The following RLF variants were observed in gnomAD, a reference collection of about 807,000 sequenced individuals.
RLF encodes RLF zinc finger.
Under a neutral mutation model 162.9 loss-of-function variants are expected in RLF, and 7 were observed. That is an observed-to-expected ratio of 0.04 (90% confidence interval 0.02 to 0.08). RLF has a LOEUF of 0.08. RLF is among the 10% of genes least tolerant of loss of function. RLF has a pLI of 1.00. For missense variants in RLF, 1,664 were observed against 2,244.7 expected (o/e 0.74, Z 5.23); for synonymous variants, 782 against 791.5 (o/e 0.99, Z 0.20).
chr1:40,225,009 A>G (rs1282012494), intron 6 of RLF, among the ~76,000 whole-genome samples: 1 of 152,050 alleles, frequency 6.6e-6, no homozygotes, highest in Non-Finnish European at 1.5e-5. Flanking sequence ...GAATTTTACT[A>G]AGGAAAATTA....
At chr1:40,199,145 T>C (rs1423859699) in intron 4 of RLF, among the ~76,000 whole-genome samples, 1 of 152,224 alleles carries the variant, frequency 6.6e-6, no homozygotes, top group Admixed American at 6.5e-5. Flanking sequence ...GTTACAATTG[T>C]GGAGGCAGAA....
intron 7 of RLF, among the ~76,000 whole-genome samples, chr1:40,235,434 C>G (rs1643205447): frequency 6.6e-6 from 1 of 152,132 alleles, no homozygotes; most frequent in Non-Finnish European, 1.5e-5. Context: ...TAAACCCTGC[C>G]CCTCTACTCA....
At chr1:40,189,950 A>G (rs530032889) in intron 2 of RLF, among the ~76,000 whole-genome samples, 2 of 152,348 alleles carry the variant, frequency 1.3e-5, no homozygotes, top group South Asian at 4.1e-4. Flanking sequence ...ACCTTGTTCA[A>G]CTTACAGATT....
chr1:40,228,130 CAA>C (rs1343009695), intron 6 of RLF, among the ~76,000 whole-genome samples: 5 of 148,264 alleles, frequency 3.4e-5, no homozygotes, highest in African/African-American at 1.3e-4. Context: ...ACTAAAATTA[CAA>C]AAGTTAGCCA....
In RLF at chr1:40,170,950, T is replaced by G. The variant is rs191004334; in HGVS notation, c.237+9314T>G. 2.6e-3 allele frequency among the ~76,000 whole-genome samples: 391 copies of G among 152,268 alleles called. 2 individuals are homozygous for G. The highest frequency in any genetic ancestry group is 7.2e-3 in the African/African-American group (298 of 41,532). ...TTTTTGAGTGCTATTGTTATTATTA[T>G]TAGTAGTAGTAGTATTTGGATCTAG... is the stretch of plus-strand genomic sequence containing the variant. On this transcript the variant is annotated intron_variant, in intron 1 of 7. Coordinates refer to ENST00000372771, the MANE Select transcript of RLF (RefSeq NM_012421.4).
At chr1:40,198,648 A>G (rs573990985) in intron 4 of RLF, among the ~76,000 whole-genome samples, 1 of 152,170 alleles carries the variant, frequency 6.6e-6, no homozygotes, top group South Asian at 2.1e-4. Flanking sequence ...TTACATAATG[A>G]AGTATATAGT....
intron 5 of RLF, among the ~76,000 whole-genome samples, chr1:40,218,060 CTAGTAAA>C (rs1642948240): frequency 6.6e-6 from 1 of 152,090 alleles, no homozygotes; most frequent in South Asian, 2.1e-4. Context: ...GAGCAGAAAT[CTAGTAAA>C]TAGTAATTAA....
At chr1:40,226,785 A>G (rs7531036) in intron 6 of RLF, among the ~76,000 whole-genome samples, 29,805 of 152,104 alleles carry the variant, frequency 0.2, 3,073 homozygotes, top group African/African-American at 0.22. Context: ...ATCTCAGTGT[A>G]ACATGTTAAC....
At chr1:40,196,551 C>G (rs200665680) in intron 4 of RLF, among the ~76,000 whole-genome samples, 2 of 152,162 alleles carry the variant, frequency 1.3e-5, no homozygotes, top group East Asian at 3.8e-4. Flanking sequence ...GCTACCCAGG[C>G]TGGAGTGGCA....
chr1:40,191,136 T>C (rs1642551685), intron 3 of RLF, among the ~76,000 whole-genome samples: 1 of 152,230 alleles, frequency 6.6e-6, no homozygotes, highest in African/African-American at 2.4e-5. Context: ...TACATGATTA[T>C]AAAGTAACAG....
intron 6 of RLF, among the ~76,000 whole-genome samples, chr1:40,224,306 C>CTT (rs869123049): frequency 7.7e-4 from 98 of 127,918 alleles, no homozygotes; most frequent in African/African-American, 1.6e-3. Context: ...GCAATTGCAT[C>CTT]TTTTTTTTTT....
chr1:40,193,395 G>A (rs1200510660), intron 3 of RLF, among the ~76,000 whole-genome samples: 1 of 152,118 alleles, frequency 6.6e-6, no homozygotes, highest in African/African-American at 2.4e-5. Context: ...AAATGAGAAA[G>A]TAGAGAACTT....
At position 40,237,533 on chromosome 1, in the gene RLF, G is replaced by C. The variant is rs752982991; in HGVS notation, c.2831G>C (p.Ser944Thr). 2.5e-6 allele frequency: 4 copies of C among 1,613,976 alleles called. No homozygotes were observed. The highest frequency in any genetic ancestry group is 2.7e-5 in the African/African-American group (2 of 74,900). ...TCCAGTTTAAAAGAAAAATGTTCCA[G>C]TATGGCAGTTTGTTTTGACGGGACT... is the stretch of plus-strand genomic sequence containing the variant. ...GPSSLKEKCS[S>T]MAVCFDGTKF... Residue 944 changes from serine (S) to threonine (T), a missense_variant, in exon 8 of 8, where the codon AGT (serine) becomes ACT (threonine). Ser to Thr is a moderately conservative substitution (Grantham distance 58). This residue lies in a region of RLF where 295 missense variants were observed against 317.4 expected (regional missense o/e 0.93). Coordinates refer to ENST00000372771, the MANE Select transcript of RLF (RefSeq NM_012421.4). This position sits in a 1 kb window ranked among gnomAD's most constrained non-coding sequence, Gnocchi z 4.4.
chr1:40,220,279 T>C (rs999349609), intron 5 of RLF, among the ~76,000 whole-genome samples: 42 of 152,142 alleles, frequency 2.8e-4, no homozygotes, highest in African/African-American at 1.0e-3. Flanking sequence ...CTCTCAAGAG[T>C]TGATGCTCCC....
intron 6 of RLF, among the ~76,000 whole-genome samples, chr1:40,224,582 T>G (rs1369660057): frequency 1.2e-3 from 163 of 130,806 alleles, no homozygotes; most frequent in African/African-American, 5.9e-3. Flanking sequence ...CCACATCTTT[T>G]TTTTTTTTTT....
chr1:40,161,759 C>A lies in RLF; in HGVS notation c.237+123C>A. 1 of 1,386,788 alleles carries A rather than the reference C, an allele frequency of 7.2e-7. No homozygotes were observed. Among genetic ancestry groups the A allele is most frequent in the Non-Finnish European group, 9.6e-7 (1 of 1,045,750 alleles). The allele number at this position is 1,386,788 out of a possible 1,614,324, so 85.9% of individuals were successfully genotyped here. On this transcript the variant is annotated intron_variant, in intron 1 of 7. Coordinates refer to ENST00000372771, the MANE Select transcript of RLF (RefSeq NM_012421.4). This position sits in a 1 kb window ranked among gnomAD's most constrained non-coding sequence, Gnocchi z 4.4. Reference sequence around the variant, plus strand: ...GCCACCTCCGTGACTCGCCGCGCCCCCGGGCCGGGAAGGCCCAGCTCGGAA... The same window carrying A: ...GCCACCTCCGTGACTCGCCGCGCCCACGGGCCGGGAAGGCCCAGCTCGGAA...
At chr1:40,195,130 T>C (rs1176452984) in intron 3 of RLF, among the ~76,000 whole-genome samples, 2 of 151,310 alleles carry the variant, frequency 1.3e-5, no homozygotes, top group Non-Finnish European at 2.9e-5. Context: ...CCACTGTGCC[T>C]GGCCCCATCC....
intron 5 of RLF, among the ~76,000 whole-genome samples, chr1:40,210,700 C>CA (rs1642854230): frequency 6.6e-6 from 1 of 152,138 alleles, no homozygotes; most frequent in Admixed American, 6.5e-5. Context: ...GGACAAAGGA[C>CA]AGGACTTGCT....
intron 1 of RLF, among the ~76,000 whole-genome samples, chr1:40,162,043 C>T (rs946944314): frequency 6.6e-6 from 1 of 152,044 alleles, no homozygotes; most frequent in Non-Finnish European, 1.5e-5. Flanking sequence ...TCTGAATAAT[C>T]CAGAGAGGTG....
Sources: gnomAD v4.1 joint callset for allele counts (sites outside exome capture counted in the v4.1 genomes callset) on GRCh38, gnomAD v4.1.1 for gene constraint, gnomAD v4.1.1 regional missense constraint, Gnocchi (gnomAD v3.1) non-coding constraint, MANE v1.5 for transcripts, NCBI Gene and HGNC (gene_info 2026-07-23, HGNC 2026-07-21) for gene names.